The following CEP192 variants were observed in gnomAD, a reference collection of about 807,000 sequenced individuals.
CEP192 encodes centrosomal protein 192, also known as centrosomal protein of 192 kDa.
CEP192 carries 151 observed loss-of-function variants against 271.8 expected under a neutral mutation model. That is an observed-to-expected ratio of 0.56 (90% CI 0.49 to 0.64). The LOEUF (loss-of-function observed/expected upper bound fraction) is 0.64. Ranked by LOEUF, CEP192 falls within the 30% of genes least tolerant of loss-of-function variation. The probability of loss-of-function intolerance (pLI) is 0.00; values close to 1 mark genes in which losing one functional copy is unlikely to be tolerated. For synonymous variants in CEP192, 995 were observed against 1,076.5 expected (o/e 0.92, Z 1.48); for missense variants, 2,910 against 3,020.5 (o/e 0.96, Z 0.86).
intron 40 of CEP192, among the ~76,000 whole-genome samples, chr18:13,107,386 C>G (rs1429583552): frequency 6.6e-6 from 1 of 152,194 alleles, no homozygotes; most frequent in Non-Finnish European, 1.5e-5. Context: ...TTTTCACAAT[C>G]TCTCTAACAT....
chr18:13,069,968 T>G lies in CEP192; in HGVS notation c.5174+112T>G. On this transcript the variant is annotated intron_variant, in intron 27 of 44. Coordinates refer to ENST00000506447, the MANE Select transcript of CEP192 (RefSeq NM_032142.4). Reference sequence around the variant, plus strand: ...CTGAGGTCAGGAGTTCGAGACCAGCTTGGGCAACATGGCGAAATCCTGTCT... The same window carrying G: ...CTGAGGTCAGGAGTTCGAGACCAGCGTGGGCAACATGGCGAAATCCTGTCT... The G allele has an allele frequency of 9.7e-6, 6 of 620,490 alleles. No individual in the cohort carries two copies. The South Asian group carries it at 1.0e-4, about 10-fold the overall frequency. 38.4% of individuals were successfully genotyped at this position (620,490 alleles called of 1,614,324 possible).
At chr18:13,012,853 T>A (rs1225048923) in intron 4 of CEP192, 120 bp from the exon 5 acceptor site, 3 of 596,556 alleles carry the variant, frequency 5.0e-6, no homozygotes, top group Admixed American at 3.2e-5. Flanking sequence ...ATATACATCA[T>A]TTAAAAGTGC....
chr18:13,074,402 A>C (rs148867290), intron 30 of CEP192, among the ~76,000 whole-genome samples: 50 of 152,192 alleles, frequency 3.3e-4, no homozygotes, highest in Non-Finnish European at 5.3e-4. Flanking sequence ...TGACGATCTG[A>C]TTTTGTGTGA....
intron 5 of CEP192, among the ~76,000 whole-genome samples, chr18:13,013,999 C>T (rs1304683230): frequency 2.0e-5 from 3 of 152,188 alleles, no homozygotes; most frequent in Non-Finnish European, 4.4e-5. Context: ...CGGTTGTGCC[C>T]ATTTGTGTAT....
chr18:13,081,933 C>T (rs150715029), intron 30 of CEP192, among the ~76,000 whole-genome samples: 302 of 152,324 alleles, frequency 2.0e-3, no homozygotes, highest in Non-Finnish European at 3.8e-3. Context: ...GTTTCTTAAT[C>T]CCGAGTTCTA....
In CEP192 at chr18:13,087,277, A is replaced by G; in HGVS notation, c.5877A>G (p.Glu1959=). 2 of 1,593,060 alleles carry G rather than the reference A, an allele frequency of 1.3e-6. No individual in the cohort carries two copies. The highest frequency in any genetic ancestry group is 8.6e-7 in the Non-Finnish European group (1 of 1,165,662). The change falls in exon 31 of 45, where the codon GAA becomes GAG. Residue 1959 remains glutamate (E), a splice_region_variant and synonymous_variant. Transcript: ENST00000506447. ...DKFVLKERTQ[E]NVTLIYNPSD... is the part of the protein sequence containing the mutation. The stretch of plus-strand genomic sequence containing the variant: ...TTGTACTCAAGGAAAGAACACAAGA[A>G]GTAAGTACAAAAGTTTCTGTGCTAA...
At chr18:12,994,074 T>C (rs2033059669) in intron 1 of CEP192, among the ~76,000 whole-genome samples, 1 of 152,216 alleles carries the variant, frequency 6.6e-6, no homozygotes, top group Admixed American at 6.5e-5. Flanking sequence ...AGATACTTAC[T>C]GAGTACCTGC....
chr18:13,056,259 C>G lies in CEP192; in HGVS notation c.3669C>G (p.Asn1223Lys). The G allele has an allele frequency of 6.2e-7, 1 of 1,613,646 alleles. No individual in the cohort carries two copies. Among genetic ancestry groups the G allele is most frequent in the Non-Finnish European group, 8.5e-7 (1 of 1,179,696 alleles). ...GQVSHQTTSE[N>K]QCTPIPSSTV... ...TTTCTCATCAGACCACCTCTGAAAA[C>G]CAGTGTACTCCTATTCCCAGCAGCA... Residue 1223 changes from asparagine (N) to lysine (K), a missense_variant, in exon 19 of 45, where the codon AAC becomes AAG. By Grantham distance (94) the Asn-to-Lys change is moderately conservative. Coordinates refer to ENST00000506447, the MANE Select transcript of CEP192 (RefSeq NM_032142.4).
intron 20 of CEP192, chr18:13,058,253 T>C (rs2144185429): frequency 6.6e-6 from 1 of 152,428 alleles, no homozygotes; most frequent in South Asian, 2.1e-4. Context: ...CAATTACAGT[T>C]GCTATAATTC....
chr18:13,035,743 A>G (rs2035882601), intron 11 of CEP192, among the ~76,000 whole-genome samples: 1 of 152,210 alleles, frequency 6.6e-6, no homozygotes, highest in African/African-American at 2.4e-5. Flanking sequence ...AGATTCCACA[A>G]TGAATCTTCA....
chr18:13,115,311 C>G (rs1336258026), intron 42 of CEP192, among the ~76,000 whole-genome samples: 1 of 152,160 alleles, frequency 6.6e-6, no homozygotes, highest in Non-Finnish European at 1.5e-5. Context: ...GCAGCTTGGT[C>G]TGTGAAACCT....
chr18:13,000,932 G>A (rs1423502485), intron 2 of CEP192, among the ~76,000 whole-genome samples: 2 of 152,168 alleles, frequency 1.3e-5, no homozygotes, highest in African/African-American at 2.4e-5. Flanking sequence ...CAGCCTGGAC[G>A]ACAGAGGGAG....
At chr18:13,087,825 G>A (rs932934236) in intron 32 of CEP192, among the ~76,000 whole-genome samples, 179 bp downstream of exon 32, 2 of 152,138 alleles carry the variant, frequency 1.3e-5, no homozygotes, top group African/African-American at 2.4e-5. Flanking sequence ...AGAAATACCC[G>A]TAGGAAATTC....
intron 15 of CEP192, among the ~76,000 whole-genome samples, chr18:13,047,286 C>T (rs2143939220): frequency 6.6e-6 from 1 of 152,252 alleles, no homozygotes; most frequent in Non-Finnish European, 1.5e-5. Context: ...ACCTTTACTG[C>T]TGGGGTGTAT....
At chr18:13,063,925 G>A (rs1034056371) in intron 21 of CEP192, among the ~76,000 whole-genome samples, 2 of 150,250 alleles carry the variant, frequency 1.3e-5, no homozygotes, top group African/African-American at 4.9e-5. Flanking sequence ...GGTTCAAGCT[G>A]TTCTCCTGCC....
At chr18:13,049,994 C>G in intron 17 of CEP192, 103 bp downstream of exon 17, 1 of 928,680 alleles carries the variant, frequency 1.1e-6, no homozygotes, top group Non-Finnish European at 1.6e-6. Context: ...ATTCGTCTCT[C>G]AAAGGTAACT....
chr18:13,036,463 A>G (rs2035924136), intron 11 of CEP192, among the ~76,000 whole-genome samples: 1 of 152,164 alleles, frequency 6.6e-6, no homozygotes, highest in South Asian at 2.1e-4. Context: ...TTCTGCTCCA[A>G]CCCTGCAGTG....
At chr18:13,067,144 C>T (rs1412502985) in intron 21 of CEP192, among the ~76,000 whole-genome samples, 1 of 152,118 alleles carries the variant, frequency 6.6e-6, no homozygotes, top group Admixed American at 6.5e-5. Context: ...TGTCATTATT[C>T]TCTAACAATA....
intron 36 of CEP192, among the ~76,000 whole-genome samples, chr18:13,097,859 C>T (rs2039482200): frequency 1.3e-5 from 2 of 152,020 alleles, no homozygotes. Flanking sequence ...AACGAACATG[C>T]TGCCTTCAAG....
Sources: gnomAD v4.1 joint callset for allele counts (sites outside exome capture counted in the v4.1 genomes callset) on GRCh38, gnomAD v4.1.1 for gene constraint, MANE v1.5 for transcripts, NCBI Gene and HGNC (gene_info 2026-07-23, HGNC 2026-07-21) for gene names.